The following LMTK2 variants were observed in gnomAD, a reference collection of about 807,000 sequenced individuals.
LMTK2 encodes serine/threonine-protein kinase LMTK2.
Under a neutral mutation model 127.5 loss-of-function variants are expected in LMTK2, and 37 were observed. That is an observed-to-expected ratio of 0.29 (90% CI 0.22 to 0.38). The LOEUF (loss-of-function observed/expected upper bound fraction) is 0.38. LMTK2 is among the 10% of genes least tolerant of loss of function. LMTK2 has a pLI of 1.00. For synonymous variants in LMTK2, 819 were observed against 810.1 expected (o/e 1.01, Z -0.19); for missense variants, 1,694 against 1,920.3 (o/e 0.88, Z 2.20).
chr7:98,171,138 G>A lies in LMTK2; in HGVS notation c.658-403G>A, dbSNP rs375470744. On this transcript the variant is annotated intron_variant, in intron 6 of 13. Coordinates refer to ENST00000297293, the MANE Select transcript of LMTK2 (RefSeq NM_014916.4). The surrounding 1 kb of genome is among the most constrained non-coding windows in gnomAD (Gnocchi z 5.1). Reference sequence around the variant, plus strand: ...CTTTGGCAGTAACCACGGCGCCTTCGTGATGAAGCGCTCACTGCCCAGGGG... The same window carrying A: ...CTTTGGCAGTAACCACGGCGCCTTCATGATGAAGCGCTCACTGCCCAGGGG... Among the ~76,000 whole-genome samples, 229 of 152,200 alleles carry A rather than the reference G, an allele frequency of 1.5e-3. 1 individual carries two copies. The highest frequency in any genetic ancestry group is 5.2e-3 in the African/African-American group (217 of 41,522).
intron 7 of LMTK2, among the ~76,000 whole-genome samples, chr7:98,184,153 T>A (rs554409774): frequency 6.6e-6 from 1 of 152,270 alleles, no homozygotes; most frequent in Non-Finnish European, 1.5e-5. Flanking sequence ...TTTTGTACAT[T>A]GTTATGGTTC....
At position 98,140,087 on chromosome 7, in the gene LMTK2, T is replaced by G. The variant is rs1047573943; in HGVS notation, c.232-1310T>G. On this transcript the variant is annotated intron_variant, in intron 2 of 13. Transcript: ENST00000297293. The stretch of plus-strand genomic sequence containing the variant: ...TAAAAGGTTTCCACAACTTTCTTTC[T>G]TTCTTTCTTTCTTTCTTTCTTTCTT... Among the ~76,000 whole-genome samples, 22 of 2,560 alleles carry G rather than the reference T, an allele frequency of 8.6e-3. 1 individual carries two copies. The highest frequency in any genetic ancestry group is 0.014 in the Non-Finnish European group (18 of 1,306). The allele number at this position is 2,560 out of a possible 152,430, so 1.7% of individuals were successfully genotyped here. A position where few individuals can be genotyped will look rare whatever the true frequency, so the allele number is the denominator to read the frequency against.
intron 6 of LMTK2, among the ~76,000 whole-genome samples, chr7:98,168,855 G>T (rs908373436): frequency 1.3e-5 from 2 of 152,126 alleles, no homozygotes; most frequent in Non-Finnish European, 2.9e-5. Flanking sequence ...GGGAAGCTGA[G>T]AAATTTTTAA....
chr7:98,113,320 A>G (rs6956383), intron 1 of LMTK2, among the ~76,000 whole-genome samples: 150,747 of 152,290 alleles, frequency 0.99, 74,633 homozygotes, highest in Middle Eastern at 1. Context: ...TTCCCCTTCC[A>G]CCGTGTTTAT....
At chr7:98,136,574 C>T (rs766462829) in intron 1 of LMTK2, among the ~76,000 whole-genome samples, 2 of 152,170 alleles carry the variant, frequency 1.3e-5, no homozygotes, top group East Asian at 3.8e-4. Context: ...GCATTGCTTT[C>T]GAGGAATAGA....
chr7:98,168,236 T>C lies in LMTK2; in HGVS notation c.658-3305T>C, dbSNP rs535503562. 2.6e-5 allele frequency among the ~76,000 whole-genome samples: 4 copies of C among 152,254 alleles called. No individual in the cohort carries two copies. In the South Asian group the frequency reaches 8.3e-4, roughly 32 times the overall value. On this transcript the variant is annotated intron_variant, in intron 6 of 13. Coordinates refer to ENST00000297293, the MANE Select transcript of LMTK2 (RefSeq NM_014916.4). ...CAGAGCAGAGAGAAGAGATGGACTC[T>C]CGAGAGGACTGAGCTTAGAAAGGCA...
chr7:98,107,729 A>G (rs1420027403), intron 1 of LMTK2, among the ~76,000 whole-genome samples: 1 of 152,180 alleles, frequency 6.6e-6, no homozygotes, highest in Non-Finnish European at 1.5e-5. Context: ...GCTCCTTGCA[A>G]CTTATTCTGA....
chr7:98,131,620 GTCTT>G (rs1796521133), intron 1 of LMTK2, among the ~76,000 whole-genome samples: 1 of 152,210 alleles, frequency 6.6e-6, no homozygotes, highest in East Asian at 1.9e-4. Flanking sequence ...GATAATGTCT[GTCTT>G]TCTGTGTTAT....
intron 9 of LMTK2, among the ~76,000 whole-genome samples, chr7:98,190,266 G>A (rs1298468800): frequency 2.6e-5 from 4 of 152,170 alleles, no homozygotes; most frequent in Non-Finnish European, 5.9e-5. Flanking sequence ...CTATTGTGCT[G>A]TTGATTATTG....
chr7:98,121,206 G>A (rs182838078), intron 1 of LMTK2, among the ~76,000 whole-genome samples: 32 of 152,276 alleles, frequency 2.1e-4, no homozygotes, highest in Admixed American at 1.8e-3. Flanking sequence ...ATGCACACAC[G>A]GAGACCCAAC....
At chr7:98,135,490 A>G (rs1033970886) in intron 1 of LMTK2, among the ~76,000 whole-genome samples, 4 of 151,100 alleles carry the variant, frequency 2.6e-5, no homozygotes, top group Admixed American at 6.6e-5. Flanking sequence ...TTTTATTTTT[A>G]TTGCTATTTT....
intron 2 of LMTK2, among the ~76,000 whole-genome samples, chr7:98,139,495 G>A (rs943123144): frequency 2.0e-4 from 31 of 152,118 alleles, no homozygotes; most frequent in African/African-American, 6.3e-4. Flanking sequence ...ACATCATGCT[G>A]CTGCCAAATT....
intron 10 of LMTK2, 128 bp downstream of exon 10, chr7:98,191,005 C>A: frequency 2.2e-6 from 2 of 894,680 alleles, no homozygotes; most frequent in Non-Finnish European, 3.5e-6. Flanking sequence ...TCACCATGAG[C>A]TGAACTACTT....
intron 5 of LMTK2, 117 bp downstream of exon 5, chr7:98,154,993 G>A: frequency 1.5e-6 from 1 of 649,594 alleles, no homozygotes; most frequent in Non-Finnish European, 2.7e-6. Flanking sequence ...AAGTTCCAAG[G>A]TCTCATAAGA....
At chr7:98,151,110 A>G (rs185227523) in intron 3 of LMTK2, among the ~76,000 whole-genome samples, 198 of 152,340 alleles carry the variant, frequency 1.3e-3, no homozygotes, top group African/African-American at 4.5e-3. Context: ...AGTAAAGGCC[A>G]TTGGCCTGGT....
chr7:98,202,824 T>A (rs1293807776), intron 11 of LMTK2, among the ~76,000 whole-genome samples: 1 of 152,148 alleles, frequency 6.6e-6, no homozygotes, highest in East Asian at 1.9e-4. Flanking sequence ...AGCTCCTCCC[T>A]CTTCTGTGAT....
At position 98,208,602 on chromosome 7, in the gene LMTK2, A is replaced by G. The variant is rs1797843994; in HGVS notation, c.*3110A>G. The G allele has an allele frequency of 6.6e-6, 1 of 152,210 alleles. No homozygotes were observed. The highest frequency in any genetic ancestry group is 2.4e-5 in the African/African-American group (1 of 41,454). The allele number at this position is 152,210 out of a possible 1,614,324, so 9.4% of individuals were successfully genotyped here. A position where few individuals can be genotyped will look rare whatever the true frequency, so the allele number is the denominator to read the frequency against. On this transcript the variant is annotated 3_prime_UTR_variant, in exon 14 of 14. Transcript: ENST00000297293. ...GTGGAGTTTGTACATTTTAAATCCT[A>G]TAACAAAAATAATCTAGTTTTCATT...
At chr7:98,183,217 G>A (rs999154513) in intron 7 of LMTK2, among the ~76,000 whole-genome samples, 2 of 152,198 alleles carry the variant, frequency 1.3e-5, no homozygotes, top group East Asian at 3.9e-4. Flanking sequence ...TCTTTTCTCT[G>A]ATCCTGGAGA....
chr7:98,192,542 A>G lies in LMTK2; in HGVS notation c.2077A>G (p.Ile693Val), dbSNP rs1424050248. 3 of 1,612,462 alleles carry G rather than the reference A, an allele frequency of 1.9e-6. No individual in the cohort carries two copies. Among genetic ancestry groups the G allele is most frequent in the Non-Finnish European group, 2.5e-6 (3 of 1,179,742 alleles). ...CTTTGAGAAAGAAAAGCCCCGTAAG[A>G]TTTTTGACAGTGAGCCTCTCTGCCT... ...GHFEKEKPRK[I>V]FDSEPLCLSD... Residue 693 changes from isoleucine to valine, a missense_variant, in exon 11 of 14, where the codon ATT becomes GTT. Around this residue, in one of 8 missense-constraint regions of LMTK2, gnomAD observed 527 missense variants for 539.8 expected, o/e 0.98. Transcript: ENST00000297293.
Sources: gnomAD v4.1 joint callset for allele counts (sites outside exome capture counted in the v4.1 genomes callset) on GRCh38, gnomAD v4.1.1 for gene constraint, gnomAD v4.1.1 regional missense constraint, Gnocchi (gnomAD v3.1) non-coding constraint, MANE v1.5 for transcripts, NCBI Gene and HGNC (gene_info 2026-07-23, HGNC 2026-07-21) for gene names.